Variants in EYA1 observed in about 807,000 individuals in gnomAD.
EYA1 encodes the protein protein phosphatase EYA1.
A neutral mutation model predicts 82.0 loss-of-function variants in EYA1; 16 were observed. The ratio of observed to expected loss-of-function variants is 0.20; its 90% CI spans 0.13 to 0.30. EYA1 has a LOEUF of 0.30. Among genes scored for constraint, EYA1 ranks in the 10% least tolerant of loss-of-function variants. EYA1 has a pLI of 1.00. For missense variants in EYA1, 633 were observed against 730.7 expected (o/e 0.87, Z 1.54); for synonymous variants, 261 against 264.4 (o/e 0.99, Z 0.12).
chr8:71,276,170 A>G (rs1300868160), intron 9 of EYA1, among the ~76,000 whole-genome samples: 2 of 152,252 alleles, frequency 1.3e-5, no homozygotes, highest in South Asian at 4.1e-4. Context: ...ATTACTTAGT[A>G]ACATGGTCGA....
At chr8:71,456,544 G>C (rs977366848) in intron 2 of EYA1, among the ~76,000 whole-genome samples, 5 of 152,004 alleles carry the variant, frequency 3.3e-5, no homozygotes, top group African/African-American at 1.2e-4. Flanking sequence ...GCATGCTACT[G>C]GTACCAAAAC....
chr8:71,542,972 G>A (rs1202363322), intron 1 of EYA1, among the ~76,000 whole-genome samples: 1 of 152,010 alleles, frequency 6.6e-6, no homozygotes, highest in Non-Finnish European at 1.5e-5. Context: ...CAGATTCATA[G>A]TTTGCAGACA....
intron 2 of EYA1, among the ~76,000 whole-genome samples, chr8:71,482,216 T>C (rs1399324801): frequency 1.3e-5 from 2 of 152,032 alleles, no homozygotes; most frequent in African/African-American, 2.4e-5. Flanking sequence ...GACAATCCAA[T>C]ATAAAAAATG....
Position 71,198,245 on chromosome 8 carries a change from AGTTACATAT to A in EYA1, c.*1086_*1094del, listed in dbSNP as rs1806492011. ...ATTTGAATAATTATTTTTTCCAAGTAGTTACATATAATACATTAGTGTGGAAATGAAAAA... is the reference window on the plus strand; with the variant it reads ...ATTTGAATAATTATTTTTTCCAAGTAAATACATTAGTGTGGAAATGAAAAA... On this transcript the variant is annotated 3_prime_UTR_variant, in exon 18 of 18. Coordinates refer to ENST00000340726, the MANE Select transcript of EYA1 (RefSeq NM_000503.6). 1 of 152,634 alleles carries A rather than the reference AGTTACATAT, an allele frequency of 6.6e-6. No homozygotes were observed. Among genetic ancestry groups the A allele is most frequent in the South Asian group, 2.1e-4 (1 of 4,830 alleles). The allele number at this position is 152,634 out of a possible 1,614,324, so 9.5% of individuals were successfully genotyped here. A position where few individuals can be genotyped will look rare whatever the true frequency, so the allele number is the denominator to read the frequency against.
At chr8:71,236,044 CTTTAT>C (rs149897208) in intron 12 of EYA1, among the ~76,000 whole-genome samples, 6,530 of 151,990 alleles carry the variant, frequency 0.043, 442 homozygotes, top group African/African-American at 0.15. Flanking sequence ...AAATTTTACT[CTTTAT>C]TTTATTTTTT....
At chr8:71,490,923 T>C (rs1422424469) in intron 2 of EYA1, among the ~76,000 whole-genome samples, 1 of 152,188 alleles carries the variant, frequency 6.6e-6, no homozygotes, top group Non-Finnish European at 1.5e-5. Context: ...AAGCTCTGGC[T>C]ACTTCAATTG....
chr8:71,537,311 T>G (rs1031646155), intron 1 of EYA1, among the ~76,000 whole-genome samples: 3 of 152,228 alleles, frequency 2.0e-5, no homozygotes, highest in African/African-American at 7.2e-5. Flanking sequence ...AATGTATTCA[T>G]GCTATGTCAC....
At position 71,540,521 on chromosome 8, in the gene EYA1, G is replaced by T. The variant is rs560623146; in HGVS notation, c.-72-4673C>A. On this transcript the variant is annotated intron_variant, in intron 1 of 18. Transcript: ENST00000643681. ...GCAGACAGAGAAAGGGTCAAGCCAG[G>T]CAGGCCATGGGGACAGACTTCCCAG... 2.0e-5 allele frequency among the ~76,000 whole-genome samples: 3 copies of T among 152,346 alleles called. No individual in the cohort carries two copies. In the East Asian group the frequency reaches 5.8e-4, roughly 29 times the overall value.
chr8:71,459,019 G>A (rs931493082), intron 2 of EYA1, among the ~76,000 whole-genome samples: 6 of 152,212 alleles, frequency 3.9e-5, no homozygotes, highest in African/African-American at 9.6e-5. Context: ...AGATAGGGAG[G>A]GAAGGGAGGT....
intron 11 of EYA1, among the ~76,000 whole-genome samples, chr8:71,260,593 TCAGAAGA>T (rs965974137): frequency 5.3e-5 from 8 of 152,214 alleles, no homozygotes; most frequent in Non-Finnish European, 1.2e-4. Context: ...ACAGGAGTTA[TCAGAAGA>T]CAGTGCAACT....
At chr8:71,299,557 T>C in intron 8 of EYA1, 81 bp downstream of exon 8, 1 of 883,164 alleles carries the variant, frequency 1.1e-6, no homozygotes, top group Non-Finnish European at 1.9e-6. Flanking sequence ...CTCTCACTTA[T>C]AAACAGATCT....
In EYA1 at chr8:71,393,268, T is replaced by G. The variant is rs972868232; in HGVS notation, c.34-36757A>C. ...TATAGATTCTATCTGTATTATTTCT[T>G]ATAATTGCTTAAGTAATTTTCTTTT... On this transcript the variant is annotated intron_variant, in intron 2 of 18. Transcript: ENST00000643681. Among the ~76,000 whole-genome samples the G allele has an allele frequency of 2.6e-5, 4 of 152,220 alleles. No individual in the cohort carries two copies. The East Asian group carries it at 5.8e-4, about 22-fold the overall frequency.
intron 16 of EYA1, among the ~76,000 whole-genome samples, chr8:71,212,215 T>A (rs1808602254): frequency 6.6e-6 from 1 of 152,204 alleles, no homozygotes; most frequent in Non-Finnish European, 1.5e-5. Flanking sequence ...ATGAACAAAT[T>A]GCTTGTTTGC....
intron 12 of EYA1, among the ~76,000 whole-genome samples, chr8:71,229,809 G>T (rs1810985065): frequency 6.6e-6 from 1 of 152,108 alleles, no homozygotes; most frequent in Non-Finnish European, 1.5e-5. Context: ...ATGATATCTT[G>T]GACAGAAGAG....
intron 2 of EYA1, among the ~76,000 whole-genome samples, chr8:71,467,844 G>A (rs11985917): frequency 0.018 from 2,703 of 152,180 alleles, 56 homozygotes; most frequent in African/African-American, 0.062. Context: ...TAAATTTTCT[G>A]TAATACTTCA....
At chr8:71,485,958 G>T (rs1810539166) in intron 2 of EYA1, among the ~76,000 whole-genome samples, 1 of 152,118 alleles carries the variant, frequency 6.6e-6, no homozygotes, top group Non-Finnish European at 1.5e-5. Context: ...AATGCAAAGG[G>T]ACCTGTGAAG....
chr8:71,383,524 A>G (rs1298583409), intron 2 of EYA1, among the ~76,000 whole-genome samples: 4 of 152,158 alleles, frequency 2.6e-5, no homozygotes, highest in African/African-American at 9.6e-5. Context: ...ATCAAAATGA[A>G]TAAACTAAAG....
intron 2 of EYA1, among the ~76,000 whole-genome samples, chr8:71,443,619 CA>C (rs2129172469): frequency 6.6e-6 from 1 of 152,284 alleles, no homozygotes; most frequent in East Asian, 1.9e-4. Context: ...AATGACTATA[CA>C]CAGGCCTCTA....
intron 9 of EYA1, among the ~76,000 whole-genome samples, chr8:71,274,440 G>A (rs1171332595): frequency 1.3e-5 from 2 of 152,092 alleles, no homozygotes; most frequent in Non-Finnish European, 2.9e-5. Flanking sequence ...GACAGCTCAT[G>A]TTTCACTAAA....
Sources: allele counts gnomAD v4.1 joint callset (sites outside exome capture counted in the v4.1 genomes callset), GRCh38; gene constraint gnomAD v4.1.1; transcripts MANE v1.5; gene names NCBI Gene and HGNC (gene_info 2026-07-23, HGNC 2026-07-21).